Variants in SPON1 observed in about 807,000 individuals in gnomAD.
SPON1 encodes the protein spondin 1.
In SPON1, 52 loss-of-function variants were observed where a neutral mutation model predicts 111.7. That is an observed-to-expected ratio of 0.47 (90% CI 0.37 to 0.59). The LOEUF is 0.59. Ranked by LOEUF, SPON1 falls within the 20% of genes least tolerant of loss-of-function variation. The pLI is 0.00. For synonymous variants in SPON1, 410 were observed against 395.8 expected (o/e 1.04, Z -0.43); for missense variants, 957 against 1,068.5 (o/e 0.90, Z 1.46).
rs1554931124 is a variant in SPON1 at position 14,160,946 on chromosome 11, TATATATTTA to T, written c.825+25379_825+25387del. Among the ~76,000 whole-genome samples the T allele has an allele frequency of 2.4e-3, 133 of 54,338 alleles. 18 individuals carry two copies. The highest frequency in any genetic ancestry group is 0.016 in the East Asian group (16 of 970). 35.6% of individuals were successfully genotyped at this position (54,338 alleles called of 152,430 possible). ...ATATTTATATATTTATATATATATT[TATATATTTA>T]TATATATTTATATATATTTTTATAT... On this transcript the variant is annotated intron_variant, in intron 6 of 15. Coordinates refer to ENST00000576479, the MANE Select transcript of SPON1 (RefSeq NM_006108.4).
At chr11:14,093,924 G>A (rs1305938649) in intron 5 of SPON1, among the ~76,000 whole-genome samples, 4 of 152,096 alleles carry the variant, frequency 2.6e-5, no homozygotes, top group Non-Finnish European at 4.4e-5. Context: ...AAAATACTTT[G>A]TACTTAGGCC....
At chr11:14,053,691 C>A (rs1473435193) in intron 3 of SPON1, among the ~76,000 whole-genome samples, 2 of 152,116 alleles carry the variant, frequency 1.3e-5, no homozygotes, top group Non-Finnish European at 2.9e-5. Flanking sequence ...ACACCTAAGT[C>A]CCACACCATC....
intron 5 of SPON1, among the ~76,000 whole-genome samples, chr11:14,085,507 A>G (rs757849146): frequency 4.6e-5 from 7 of 151,998 alleles, no homozygotes; most frequent in Non-Finnish European, 8.8e-5. Flanking sequence ...ATTGATCTAT[A>G]TATCTGTTTT....
At chr11:14,055,780 G>A (rs1848740659) in intron 3 of SPON1, among the ~76,000 whole-genome samples, 1 of 152,126 alleles carries the variant, frequency 6.6e-6, no homozygotes, top group South Asian at 2.1e-4. Flanking sequence ...TGAGGACTTG[G>A]GGAGTGCCCC....
At chr11:13,972,939 A>ATC (rs111729143) in intron 1 of SPON1, among the ~76,000 whole-genome samples, 3,446 of 150,184 alleles carry the variant, frequency 0.023, 153 homozygotes, top group African/African-American at 0.079. Context: ...GGGTCATTCC[A>ATC]TCTCTCTCTC....
chr11:14,068,614 G>T (rs782381063), intron 3 of SPON1, among the ~76,000 whole-genome samples: 3 of 152,166 alleles, frequency 2.0e-5, no homozygotes, highest in South Asian at 2.1e-4. Context: ...CTACTGCAAA[G>T]TTCCCGTCCC....
chr11:14,007,719 C>T (rs142026331), intron 2 of SPON1, among the ~76,000 whole-genome samples: 174 of 152,286 alleles, frequency 1.1e-3, no homozygotes, highest in African/African-American at 4.0e-3. Context: ...TGGCTCACCC[C>T]GATCTCCTGC....
At chr11:14,223,848 T>G (rs1263390213) in intron 6 of SPON1, among the ~76,000 whole-genome samples, 8 of 152,210 alleles carry the variant, frequency 5.3e-5, no homozygotes, top group African/African-American at 1.9e-4. Context: ...AAGAATTAAA[T>G]GTAACAAGAA....
Position 14,057,831 on chromosome 11 carries a change from C to CAAAAAAAA in SPON1, c.479+16182_479+16189dup, listed in dbSNP as rs782306609. On this transcript the variant is annotated intron_variant, in intron 3 of 15. Coordinates refer to ENST00000576479, the MANE Select transcript of SPON1 (RefSeq NM_006108.4). ...AAAACGTAGTGAGACCTTGTCTCTA[C>CAAAAAAAA]AAAAAAAAAAAACAAAACAAAAACT... is the stretch of plus-strand genomic sequence containing the variant. Among the ~76,000 whole-genome samples the CAAAAAAAA allele has an allele frequency of 2.0e-4, 20 of 100,580 alleles. No homozygotes were observed. The South Asian group carries it at 2.7e-3, about 14-fold the overall frequency. 66.0% of individuals were successfully genotyped at this position (100,580 alleles called of 152,430 possible).
chr11:14,003,483 A>C lies in SPON1; in HGVS notation c.345+20530A>C, dbSNP rs1848335071. Among the ~76,000 whole-genome samples, 4 of 152,144 alleles carry C rather than the reference A, an allele frequency of 2.6e-5. No individual in the cohort carries two copies. In the South Asian group the frequency reaches 8.3e-4, roughly 32 times the overall value. Reference sequence around the variant, plus strand: ...AGTTTCTTTCAGTGTTTTAGGCAACAATCTAGATACCTTTGTCAGTGTCTG... The same window carrying C: ...AGTTTCTTTCAGTGTTTTAGGCAACCATCTAGATACCTTTGTCAGTGTCTG... On this transcript the variant is annotated intron_variant, in intron 2 of 15. Transcript: ENST00000576479.
chr11:14,036,679 G>A (rs556977733), intron 2 of SPON1, among the ~76,000 whole-genome samples: 50 of 152,312 alleles, frequency 3.3e-4, no homozygotes, highest in Middle Eastern at 3.4e-3. Flanking sequence ...GCCATGAGTT[G>A]AATGAGATCA....
At chr11:14,011,647 T>C (rs1554913759) in intron 2 of SPON1, among the ~76,000 whole-genome samples, 1 of 152,128 alleles carries the variant, frequency 6.6e-6, no homozygotes, top group Non-Finnish European at 1.5e-5. Context: ...AGGCCCTTCA[T>C]GATCTGGCAA....
At chr11:14,120,513 G>T (rs1362296441) in intron 5 of SPON1, among the ~76,000 whole-genome samples, 1 of 152,076 alleles carries the variant, frequency 6.6e-6, no homozygotes, top group Non-Finnish European at 1.5e-5. Flanking sequence ...CCTGCTTCTG[G>T]AAACTTCTGT....
chr11:14,173,300 G>C (rs1464277857), intron 6 of SPON1, among the ~76,000 whole-genome samples: 2 of 152,126 alleles, frequency 1.3e-5, no homozygotes, highest in African/African-American at 4.8e-5. Flanking sequence ...ACTGAGGCTT[G>C]TGCATTCGTC....
intron 3 of SPON1, among the ~76,000 whole-genome samples, chr11:14,048,638 C>T (rs1848686673): frequency 1.3e-5 from 2 of 152,158 alleles, no homozygotes; most frequent in Admixed American, 6.5e-5. Context: ...ATGAGCGACC[C>T]AGCACTTAAA....
At chr11:14,043,592 A>G (rs968841861) in intron 3 of SPON1, among the ~76,000 whole-genome samples, 3 of 152,304 alleles carry the variant, frequency 2.0e-5, no homozygotes, top group Middle Eastern at 3.4e-3. Flanking sequence ...CCCACTACCC[A>G]TGACAGCCCA....
intron 1 of SPON1, among the ~76,000 whole-genome samples, chr11:13,970,093 C>T (rs989194376): frequency 6.6e-6 from 1 of 152,168 alleles, no homozygotes; most frequent in Non-Finnish European, 1.5e-5. Flanking sequence ...ACCAAATGCA[C>T]CTCTCTTGGA....
intron 3 of SPON1, among the ~76,000 whole-genome samples, chr11:14,062,271 C>G (rs1303098923): frequency 1.3e-5 from 2 of 152,204 alleles, no homozygotes; most frequent in Admixed American, 1.3e-4. Flanking sequence ...CAGCATCCCT[C>G]AAGTCTAATA....
chr11:14,032,490 G>A (rs1032199367), intron 2 of SPON1, among the ~76,000 whole-genome samples: 16 of 152,264 alleles, frequency 1.1e-4, no homozygotes, highest in South Asian at 6.2e-4. Flanking sequence ...AGGGGTGCAC[G>A]GCACACAAGG....
Sources: allele counts gnomAD v4.1 joint callset (sites outside exome capture counted in the v4.1 genomes callset), GRCh38; gene constraint gnomAD v4.1.1; transcripts MANE v1.5; gene names NCBI Gene and HGNC (gene_info 2026-07-23, HGNC 2026-07-21).